The following PEX11A variants were observed in gnomAD, a reference collection of about 807,000 sequenced individuals.
PEX11A encodes the protein peroxisomal membrane protein 11A.
PEX11A carries 13 observed loss-of-function variants against 14.4 expected under a neutral mutation model. The ratio of observed to expected loss-of-function variants is 0.90; its 90% CI spans 0.59 to 1.43. PEX11A has a LOEUF of 1.43. Among genes scored for constraint, PEX11A ranks in the 40% most tolerant of loss-of-function variants. The probability of loss-of-function intolerance (pLI) is 0.00; values close to 1 mark genes in which losing one functional copy is unlikely to be tolerated. For missense variants in PEX11A, 290 were observed against 302.8 expected, an observed-to-expected ratio of 0.96 and a Z score of 0.31; for synonymous variants, 101 against 113.0, an observed-to-expected ratio of 0.89 and a Z score of 0.67.
chr15:89,683,873 C>T lies in PEX11A; in HGVS notation c.248G>A (p.Arg83His), dbSNP rs531108695. Residue 83 changes from arginine (R) to histidine (H), a missense_variant, in exon 3 of 3, where the codon CGC (arginine) becomes CAC (histidine). Physicochemically the swap from Arg to His is conservative, Grantham distance 29 (BLOSUM62 0). Coordinates refer to ENST00000300056, the MANE Select transcript of PEX11A (RefSeq NM_003847.3). Reference sequence around the variant, plus strand: ...CAGGTTGGCTAATGTTAAGCATAAGCGAGGTACCAGGTCAGTGGCATGAAT... The same window carrying T: ...CAGGTTGGCTAATGTTAAGCATAAGTGAGGTACCAGGTCAGTGGCATGAAT... ...QSIHATDLVP[R>H]LCLTLANLNR... The T allele has an allele frequency of 2.5e-5, 40 of 1,613,920 alleles. No homozygotes were observed. Among genetic ancestry groups the T allele is most frequent in the South Asian group, 4.4e-5 (4 of 91,092 alleles).
In PEX11A at chr15:89,686,472, T is replaced by C; in HGVS notation, c.131A>G (p.Lys44Arg). 1 of 1,604,304 alleles carries C rather than the reference T, an allele frequency of 6.2e-7. No homozygotes were observed. Among genetic ancestry groups the C allele is most frequent in the Non-Finnish European group, 8.5e-7 (1 of 1,171,098 alleles). Residue 44 changes from lysine to arginine, a missense_variant, in exon 2 of 3, where the codon AAG becomes AGG. Physicochemically the swap from Lys to Arg is conservative, Grantham distance 26. Transcript: ENST00000300056. ...CACACTGGACTCCAGTTTCTTGAGC[T>C]TCATTACCACCTTCTCTTTGCCAGC... The part of the protein sequence containing the change: ...PKAGKEKVVM[K>R]LKKLESSVST...
rs779566242 is a variant in PEX11A at position 89,683,484 on chromosome 15, C to T, written c.637G>A (p.Gly213Arg). 1 of 1,614,074 alleles carries T rather than the reference C, an allele frequency of 6.2e-7. No homozygotes were observed. The change falls in exon 3 of 3, where the codon GGG becomes AGG. Residue 213 changes from glycine (G) to arginine (R), a missense_variant. Physicochemically the swap from Gly to Arg is moderately radical, Grantham distance 125 (BLOSUM62 -2). Transcript: ENST00000300056. ...ATGCCAGGATTGGATTTATAGATCC[C>T]CAGCTGGTCCAAAGGGTTCAGGATA... Reference protein sequence around the residue: ...CDILNPLDQLGIYKSNPGIIG... With the variant: ...CDILNPLDQLRIYKSNPGIIG...
rs765242326 is a variant in PEX11A, at chr15:89,683,678, C to T, written c.443G>A (p.Arg148Gln). The T allele has an allele frequency of 9.3e-6, 15 of 1,614,088 alleles. No homozygotes were observed. Among genetic ancestry groups the T allele is most frequent in the Non-Finnish European group, 1.1e-5 (13 of 1,180,022 alleles). The change falls in exon 3 of 3, where the codon CGA becomes CAA. Residue 148 changes from arginine to glutamine, a missense_variant. By Grantham distance (43) the Arg-to-Gln change is conservative. Transcript: ENST00000300056. ...DLYEISLQMK[R>Q]VTCDRAKKEK... is the part of the protein sequence containing the mutation. ...TTTCTTTGCCCTGTCACATGTAACTCGTTTCATCTGCAGGGAGATTTCATA... is the reference window on the plus strand; with the variant it reads ...TTTCTTTGCCCTGTCACATGTAACTTGTTTCATCTGCAGGGAGATTTCATA...
chr15:89,684,646 T>C (rs1596048430), intron 2 of PEX11A, among the ~76,000 whole-genome samples: 4 of 152,346 alleles, frequency 2.6e-5, no homozygotes, highest in African/African-American at 4.8e-5. Flanking sequence ...ATTTAATGGA[T>C]AGAACAATTA....
In PEX11A at chr15:89,681,558, A is replaced by C. The variant is rs553049040; in HGVS notation, c.*1819T>G. On this transcript the variant is annotated 3_prime_UTR_variant, in exon 3 of 3. Transcript: ENST00000300056. ...AATTTTGTCTAGAAATTTATTGAAC[A>C]TAGTTAATCTATTACAGTAGAGGAT... 2 of 702,166 alleles carry C rather than the reference A, an allele frequency of 2.8e-6. No homozygotes were observed. The highest frequency in any genetic ancestry group is 3.5e-5 in the African/African-American group (2 of 57,370). 43.5% of individuals were successfully genotyped at this position (702,166 alleles called of 1,614,324 possible). A position where few individuals can be genotyped will look rare whatever the true frequency, so the allele number is the denominator to read the frequency against.
rs887304080 is a variant in PEX11A at position 89,681,811 on chromosome 15, C to G, written c.*1566G>C. 1 of 325,490 alleles carries G rather than the reference C, an allele frequency of 3.1e-6. No individual in the cohort carries two copies. The highest frequency in any genetic ancestry group is 5.6e-6 in the Non-Finnish European group (1 of 177,070). The allele number at this position is 325,490 out of a possible 1,614,324, so 20.2% of individuals were successfully genotyped here. On this transcript the variant is annotated 3_prime_UTR_variant, in exon 3 of 3. Coordinates refer to ENST00000300056, the MANE Select transcript of PEX11A (RefSeq NM_003847.3). ...ATTTCCATTCAGATAAATGACACAG[C>G]TTTGCTGGGAGGACTGACATCGGCC...
chr15:89,690,748 G>C lies in PEX11A; in HGVS notation c.-116C>G, dbSNP rs1341753711. 3 of 661,778 alleles carry C rather than the reference G, an allele frequency of 4.5e-6. No individual in the cohort carries two copies. Among genetic ancestry groups the C allele is most frequent in the African/African-American group, 1.9e-5 (1 of 53,298 alleles). 41.0% of individuals were successfully genotyped at this position (661,778 alleles called of 1,614,324 possible). ...TTATCCGCTGAGGGGGAGGGGCTGAGTCTCTCCGCCCCAGAGGGGGCGGGC... is the reference window on the plus strand; with the variant it reads ...TTATCCGCTGAGGGGGAGGGGCTGACTCTCTCCGCCCCAGAGGGGGCGGGC... On this transcript the variant is annotated 5_prime_UTR_variant, in exon 1 of 3. Coordinates refer to ENST00000300056, the MANE Select transcript of PEX11A (RefSeq NM_003847.3).
chr15:89,684,625 G>A (rs897456053), intron 2 of PEX11A, among the ~76,000 whole-genome samples: 3 of 152,196 alleles, frequency 2.0e-5, no homozygotes, highest in African/African-American at 7.2e-5. Context: ...AGATAAAGTA[G>A]AAATGGTAGA....
rs550588155 is a variant in PEX11A, at chr15:89,689,010, G to A, written c.56+1567C>T. On this transcript the variant is annotated intron_variant, in intron 1 of 2. Transcript: ENST00000300056. ...ATTACAGGTGTAAGCCACTGCACCC[G>A]GCCTAAATGATTATTTTTTTAACCA... 7.9e-5 allele frequency among the ~76,000 whole-genome samples: 12 copies of A among 152,266 alleles called. No homozygotes were observed. In the East Asian group the frequency reaches 1.7e-3, roughly 22 times the overall value.
chr15:89,686,176 G>T (rs1260285822), intron 2 of PEX11A, among the ~76,000 whole-genome samples: 1 of 152,180 alleles, frequency 6.6e-6, no homozygotes, highest in African/African-American at 2.4e-5. Context: ...CTAACACGTT[G>T]TCTGTCTCAC....
intron 1 of PEX11A, among the ~76,000 whole-genome samples, chr15:89,689,499 C>A (rs11073885): frequency 0.82 from 124,395 of 152,196 alleles, 52,304 homozygotes; most frequent in Middle Eastern, 0.94. Context: ...AATATTTTTT[C>A]ATTAAGCAAG....
chr15:89,687,931 C>G (rs1964701094), intron 1 of PEX11A: 5 of 517,538 alleles, frequency 9.7e-6, no homozygotes, highest in Non-Finnish European at 1.8e-5. Flanking sequence ...AAAGATGATA[C>G]TTAGAACTGG....
intron 2 of PEX11A, among the ~76,000 whole-genome samples, chr15:89,685,339 G>GC (rs1964662329): frequency 6.6e-6 from 1 of 151,822 alleles, no homozygotes; most frequent in Non-Finnish European, 1.5e-5. Context: ...GCACTAACTG[G>GC]CTGAATGACC....
chr15:89,690,476 A>G, intron 1 of PEX11A, 101 bp downstream of exon 1: 1 of 812,804 alleles, frequency 1.2e-6, no homozygotes, highest in Non-Finnish European at 2.0e-6. Flanking sequence ...TCCTGCTTCC[A>G]TCTACTAGGC....
At position 89,683,727 on chromosome 15, in the gene PEX11A, G is replaced by C. The variant is rs749264393; in HGVS notation, c.394C>G (p.Leu132Val). Residue 132 changes from leucine (L) to valine (V), a missense_variant, in exon 3 of 3, where the codon CTG (leucine) becomes GTG (valine). Leu to Val is a conservative substitution (Grantham distance 32). Coordinates refer to ENST00000300056, the MANE Select transcript of PEX11A (RefSeq NM_003847.3). Reference protein sequence around the residue: ...RAAHHYYYSLLLSLVRDLYEI... With the variant: ...RAAHHYYYSLVLSLVRDLYEI... ...TACAGATCCCTGACCAGGCTCAGCA[G>C]AAGAGAATAGTAGTAGTGGTGAGCA... 2.5e-5 allele frequency: 40 copies of C among 1,614,012 alleles called. No homozygotes were observed. Among genetic ancestry groups the C allele is most frequent in the South Asian group, 2.0e-4 (18 of 91,088 alleles).
Position 89,683,104 on chromosome 15 carries a change from C to A in PEX11A, c.*273G>T. The A allele has an allele frequency of 2.5e-6, 1 of 401,588 alleles. No homozygotes were observed. The highest frequency in any genetic ancestry group is 4.4e-6 in the Non-Finnish European group (1 of 226,146). The allele number at this position is 401,588 out of a possible 1,614,324, so 24.9% of individuals were successfully genotyped here. A position where few individuals can be genotyped will look rare whatever the true frequency, so the allele number is the denominator to read the frequency against. On this transcript the variant is annotated 3_prime_UTR_variant, in exon 3 of 3. Transcript: ENST00000300056. ...TATTCATTCAGCAAATACTAAGCTC[C>A]CACTATGCACATAAGAGATGTTCAA...
At position 89,690,720 on chromosome 15, in the gene PEX11A, AGGTTAT is replaced by A; in HGVS notation, c.-94_-89del. ...GGATCCCCAGGGAACGGTCAGTCCC[AGGTTAT>A]CCGCTGAGGGGGAGGGGCTGAGTCT... On this transcript the variant is annotated 5_prime_UTR_variant, in exon 1 of 3. Coordinates refer to ENST00000300056, the MANE Select transcript of PEX11A (RefSeq NM_003847.3). The A allele has an allele frequency of 2.1e-6, 2 of 946,864 alleles. No homozygotes were observed. The highest frequency in any genetic ancestry group is 1.6e-6 in the Non-Finnish European group (1 of 620,312). 58.7% of individuals were successfully genotyped at this position (946,864 alleles called of 1,614,324 possible). A position where few individuals can be genotyped will look rare whatever the true frequency, so the allele number is the denominator to read the frequency against.
Position 89,683,324 on chromosome 15 carries a change from C to T in PEX11A, c.*53G>A. The T allele has an allele frequency of 8.2e-7, 1 of 1,214,428 alleles. No individual in the cohort carries two copies. Among genetic ancestry groups the T allele is most frequent in the South Asian group, 1.4e-5 (1 of 71,628 alleles). The allele number at this position is 1,214,428 out of a possible 1,614,324, so 75.2% of individuals were successfully genotyped here. A position where few individuals can be genotyped will look rare whatever the true frequency, so the allele number is the denominator to read the frequency against. On this transcript the variant is annotated 3_prime_UTR_variant, in exon 3 of 3. Transcript: ENST00000300056. Reference sequence around the variant, plus strand: ...CCTGTGACTTATACAAATGTCTGTCCCACCAAGAGGCCATCTTTTAAAGTA... The same window carrying T: ...CCTGTGACTTATACAAATGTCTGTCTCACCAAGAGGCCATCTTTTAAAGTA...
chr15:89,689,110 T>C (rs1964739251), intron 1 of PEX11A, among the ~76,000 whole-genome samples: 1 of 152,244 alleles, frequency 6.6e-6, no homozygotes, highest in Non-Finnish European at 1.5e-5. Flanking sequence ...GAAATTTCTA[T>C]TTAATGAAGC....
Sources: allele counts gnomAD v4.1 joint callset (sites outside exome capture counted in the v4.1 genomes callset), GRCh38; gene constraint gnomAD v4.1.1; transcripts MANE v1.5; gene names NCBI Gene and HGNC (gene_info 2026-07-23, HGNC 2026-07-21).